The following ZNF221 variants were observed in gnomAD, a reference collection of about 807,000 sequenced individuals.
ZNF221 encodes the protein zinc finger protein 221.
A neutral mutation model predicts 12.6 loss-of-function variants in ZNF221; 10 were observed. The ratio of observed to expected loss-of-function variants is 0.79; its 90% CI spans 0.49 to 1.34. The LOEUF (loss-of-function observed/expected upper bound fraction) is 1.34, where lower values mean the gene tolerates loss of function less well. Ranked by LOEUF, ZNF221 falls within the 40% of genes most tolerant of loss-of-function variation. The pLI, the probability that ZNF221 is intolerant of heterozygous loss-of-function variation, is 0.00. For synonymous variants in ZNF221, 232 were observed against 244.0 expected, an observed-to-expected ratio of 0.95 and a Z score of 0.46; for missense variants, 661 against 721.4, an observed-to-expected ratio of 0.92 and a Z score of 0.96.
chr19:43,952,809 A>AT (rs1339488388), intron 1 of ZNF221, among the ~76,000 whole-genome samples: 4 of 151,776 alleles, frequency 2.6e-5, no homozygotes, highest in East Asian at 1.9e-4. Context: ...TTTGTCAACT[A>AT]TTTTTTTTCA....
intron 1 of ZNF221, 30 bp from the exon 2 acceptor site, chr19:43,962,695 T>C: frequency 1.2e-6 from 2 of 1,605,416 alleles, no homozygotes; most frequent in Non-Finnish European, 8.5e-7. Flanking sequence ...ATTTCCTGTC[T>C]GTTTTTCTGC....
the ZNF221 span, among the ~76,000 whole-genome samples, chr19:43,972,756 A>T: frequency 1.4e-5 from 2 of 140,870 alleles, no homozygotes; most frequent in Admixed American, 1.4e-4. Context: ...AGGCAGTAAT[A>T]GTCTACCAAA....
downstream of ZNF221, among the ~76,000 whole-genome samples, chr19:43,971,476 A>G (rs543979366): frequency 6.6e-6 from 1 of 152,306 alleles, no homozygotes; most frequent in East Asian, 1.9e-4. Context: ...CTGGATAAAG[A>G]GCCAAGACCG....
In ZNF221 at chr19:43,964,831, C is replaced by T. The variant is rs576262108; in HGVS notation, c.82-119C>T. 7 of 1,341,296 alleles carry T rather than the reference C, an allele frequency of 5.2e-6. No individual in the cohort carries two copies. The Admixed American group carries it at 7.8e-5, about 15-fold the overall frequency. The allele number at this position is 1,341,296 out of a possible 1,614,324, so 83.1% of individuals were successfully genotyped here. A position where few individuals can be genotyped will look rare whatever the true frequency, so the allele number is the denominator to read the frequency against. ...ATGAGTGGGAAATCTGTATGTTGAC[C>T]TACATCCCTCAAGATCTAGGACAAC... On this transcript the variant is annotated intron_variant, in intron 2 of 4. Transcript: ENST00000587682.
At chr19:43,956,616 G>C (rs1396275045) in intron 1 of ZNF221, among the ~76,000 whole-genome samples, 1 of 152,068 alleles carries the variant, frequency 6.6e-6, no homozygotes, top group African/African-American at 2.4e-5. Flanking sequence ...CTGCCCCCAA[G>C]CAATTCCAAG....
the ZNF221 span, among the ~76,000 whole-genome samples, chr19:43,973,972 G>A: frequency 6.6e-6 from 1 of 152,160 alleles, no homozygotes; most frequent in Non-Finnish European, 1.5e-5. Context: ...GAACAAAGCT[G>A]GAGGCATTAT....
Position 43,967,113 on chromosome 19 carries a change from G to T in ZNF221, c.1611G>T (p.Glu537Asp). The T allele has an allele frequency of 6.3e-7, 1 of 1,595,600 alleles. No individual in the cohort carries two copies. Among genetic ancestry groups the T allele is most frequent in the Non-Finnish European group, 8.6e-7 (1 of 1,168,340 alleles). ...CHTGEKLYKC[E>D]QCEKGYNSKF... ...CTGGAGAAAAGCTATACAAATGTGAGCAGTGTGAGAAGGGGTACAACAGTA... is the reference window on the plus strand; with the variant it reads ...CTGGAGAAAAGCTATACAAATGTGATCAGTGTGAGAAGGGGTACAACAGTA... Residue 537 changes from glutamate (E) to aspartate (D), a missense_variant, in exon 5 of 5, where the codon GAG becomes GAT. Glu to Asp is a conservative substitution (Grantham distance 45). Coordinates refer to ENST00000587682, the MANE Select transcript of ZNF221 (RefSeq NM_001297588.2).
At chr19:43,964,911 T>C (rs1241069237) in intron 2 of ZNF221, 39 bp from the exon 3 acceptor site, 1 of 1,613,572 alleles carries the variant, frequency 6.2e-7, no homozygotes, top group South Asian at 1.1e-5. Flanking sequence ...GAATAATCAT[T>C]GGTCATAAGA....
chr19:43,966,816 T>C lies in ZNF221; in HGVS notation c.1314T>C (p.Ser438=). Reference sequence around the variant, plus strand: ...GATTTTATACAAATTCACGACGATCTTCCCATCAGAGATCCCACAATGGAG... The same window carrying C: ...GATTTTATACAAATTCACGACGATCCTCCCATCAGAGATCCCACAATGGAG... ...GKGFYTNSRR[S]SHQRSHNGEK... Residue 438 remains serine, a synonymous_variant, in exon 5 of 5, where the codon TCT becomes TCC. Transcript: ENST00000587682. 6.2e-7 allele frequency: 1 copy of C among 1,614,206 alleles called. No homozygotes were observed. The highest frequency in any genetic ancestry group is 8.5e-7 in the Non-Finnish European group (1 of 1,180,044).
rs779732837 is a variant in ZNF221, at chr19:43,967,291, G to A, written c.1789G>A (p.Glu597Lys). The change falls in exon 5 of 5, where the codon GAG becomes AAG. Residue 597 changes from glutamate (E) to lysine (K), a missense_variant. By Grantham distance (56) the Glu-to-Lys change is moderately conservative. Transcript: ENST00000587682. ...GCCATTGAAATCTGGAGTGTGGGAAGAGATCTACTCAGAATTCACAGCTTC... is the reference window on the plus strand; with the variant it reads ...GCCATTGAAATCTGGAGTGTGGGAAAAGATCTACTCAGAATTCACAGCTTC... ...EKPLKSGVWE[E>K]IYSEFTASFT... The A allele has an allele frequency of 6.2e-7, 1 of 1,613,782 alleles. No homozygotes were observed. The highest frequency in any genetic ancestry group is 1.3e-5 in the African/African-American group (1 of 74,842).
At chr19:43,971,664 A>G (rs915339323), downstream of ZNF221, among the ~76,000 whole-genome samples, 1 of 150,334 alleles carries the variant, frequency 6.7e-6, no homozygotes, top group African/African-American at 2.4e-5. Context: ...AAAAAAAGAC[A>G]AAGCAAGGCA....
rs763812681 is a variant in ZNF221 at position 43,966,792 on chromosome 19, AT to A, written c.1294del (p.Tyr432IlefsTer63). The A allele has an allele frequency of 5.5e-5, 89 of 1,614,050 alleles. No homozygotes were observed. Among genetic ancestry groups the A allele is most frequent in the Admixed American group, 1.5e-4 (9 of 60,008 alleles). On this transcript the variant is annotated frameshift_variant, in exon 5 of 5. Transcript: ENST00000587682. LOFTEE classifies it low-confidence loss of function (END_TRUNC). ...SFKCEECGKGFYTNSRRSSHQ... is the reference protein window; with the variant it reads ...SFKCEECGKGXYTNSRRSSHQ... ...TCAAATGTGAAGAATGTGGGAAGGG[AT>A]TTTATACAAATTCACGACGATCTTC...
rs753204329 is a variant in ZNF221 at position 43,966,918 on chromosome 19, C to T, written c.1416C>T (p.His472=). 1.9e-6 allele frequency: 3 copies of T among 1,614,238 alleles called. No individual in the cohort carries two copies. The highest frequency in any genetic ancestry group is 2.5e-6 in the Non-Finnish European group (3 of 1,180,046). ...RLDLEFHQRV[H]TGERPYNCKE... ...ATCTTGAGTTTCACCAGAGGGTCCA[C>T]ACGGGTGAGAGACCCTATAATTGTA... Residue 472 remains histidine, a synonymous_variant, in exon 5 of 5, where the codon CAC becomes CAT. Coordinates refer to ENST00000587682, the MANE Select transcript of ZNF221 (RefSeq NM_001297588.2).
At chr19:43,962,867 T>C in intron 2 of ZNF221, 60 bp downstream of exon 2, 1 of 1,509,698 alleles carries the variant, frequency 6.6e-7, no homozygotes, top group South Asian at 1.2e-5. Context: ...TATTGTCACA[T>C]TTTTATCTGT....
intron 1 of ZNF221, among the ~76,000 whole-genome samples, chr19:43,957,190 A>G (rs1974770463): frequency 6.6e-6 from 1 of 151,810 alleles, no homozygotes; most frequent in African/African-American, 2.4e-5. Flanking sequence ...TTTATTTTTT[A>G]TTTTTTTTGA....
chr19:43,952,017 G>A (rs1470059491), intron 1 of ZNF221, among the ~76,000 whole-genome samples: 1 of 151,326 alleles, frequency 6.6e-6, no homozygotes, highest in Non-Finnish European at 1.5e-5. Context: ...GGGACTACAG[G>A]CGCCCGCTAC....
chr19:43,981,430 T>G, the ZNF221 span, among the ~76,000 whole-genome samples: 1 of 152,236 alleles, frequency 6.6e-6, no homozygotes, highest in African/African-American at 2.4e-5. Context: ...CTTTCTGGGA[T>G]GTACTCTTCT....
the ZNF221 span, among the ~76,000 whole-genome samples, chr19:43,973,261 A>C: frequency 6.6e-6 from 1 of 152,138 alleles, no homozygotes; most frequent in East Asian, 1.9e-4. Context: ...AAATAATAAG[A>C]GCCATAGATT....
chr19:43,964,971 G>A lies in ZNF221; in HGVS notation c.103G>A (p.Val35Met). 6.2e-7 allele frequency: 1 copy of A among 1,614,178 alleles called. No individual in the cohort carries two copies. Among genetic ancestry groups the A allele is most frequent in the Non-Finnish European group, 8.5e-7 (1 of 1,180,026 alleles). The change falls in exon 3 of 5, where the codon GTG (valine) becomes ATG (methionine). Residue 35 changes from valine (V) to methionine (M), a missense_variant. Transcript: ENST00000587682. ...TFKEAVTFKD[V>M]AVVFTEEELG... is the part of the protein sequence containing the mutation. ...TTAGGAGGCAGTGACATTCAAGGAT[G>A]TGGCTGTGGTCTTCACTGAGGAGGA... is the stretch of plus-strand genomic sequence containing the variant.
Sources: gnomAD v4.1 joint callset for allele counts (sites outside exome capture counted in the v4.1 genomes callset) on GRCh38, gnomAD v4.1.1 for gene constraint, MANE v1.5 for transcripts, NCBI Gene and HGNC (gene_info 2026-07-23, HGNC 2026-07-21) for gene names.